NALCN: variants seen among roughly 807,000 people sequenced by gnomAD.
NALCN encodes the protein sodium leak channel, non-selective, also known as sodium leak channel NALCN.
A neutral mutation model predicts 225.3 loss-of-function variants in NALCN; 111 were observed. The observed-to-expected ratio is 0.49, with a 90% CI of 0.42 to 0.58. NALCN has a LOEUF of 0.58. Ranked by LOEUF, NALCN falls within the 20% of genes least tolerant of loss-of-function variation. The pLI, the probability that NALCN is intolerant of heterozygous loss-of-function variation, is 0.00. For missense variants in NALCN, 1,378 were observed against 2,202.4 expected (o/e 0.63, Z 7.49); for synonymous variants, 764 against 769.0 (o/e 0.99, Z 0.11).
chr13:101,363,031 A>G (rs1180751294), intron 6 of NALCN, among the ~76,000 whole-genome samples: 2 of 152,138 alleles, frequency 1.3e-5, no homozygotes, highest in African/African-American at 4.8e-5. Context: ...AATTGTGACT[A>G]AAGAAGTGAA....
intron 10 of NALCN, among the ~76,000 whole-genome samples, chr13:101,278,920 C>A (rs1297262460): frequency 6.6e-6 from 1 of 152,164 alleles, no homozygotes; most frequent in Non-Finnish European, 1.5e-5. Flanking sequence ...ACAAACAGAG[C>A]AGCTTCTAAG....
chr13:101,318,059 TCCCTTCATTAC>T (rs1426501939), intron 7 of NALCN, among the ~76,000 whole-genome samples: 1 of 152,208 alleles, frequency 6.6e-6, no homozygotes, highest in Non-Finnish European at 1.5e-5. Flanking sequence ...ATCTGCTCTA[TCCCTTCATTAC>T]CCCTTTTCCC....
chr13:101,156,492 G>GTATA (rs2037908093), intron 15 of NALCN, among the ~76,000 whole-genome samples: 1 of 151,944 alleles, frequency 6.6e-6, no homozygotes, highest in East Asian at 1.9e-4. Flanking sequence ...ATTTACCTAC[G>GTATA]TATGTATCTT....
chr13:101,234,832 TCTA>T (rs2041488071), intron 12 of NALCN, among the ~76,000 whole-genome samples: 1 of 135,176 alleles, frequency 7.4e-6, no homozygotes, highest in East Asian at 2.4e-4. Flanking sequence ...TATCTATCTA[TCTA>T]CTATCTATCT....
intron 17 of NALCN, among the ~76,000 whole-genome samples, chr13:101,136,390 T>G (rs1178124247): frequency 6.6e-6 from 1 of 152,184 alleles, no homozygotes; most frequent in Non-Finnish European, 1.5e-5. Context: ...GTGCCATGTT[T>G]GTGTGCTGCA....
At chr13:101,143,487 G>C (rs577833253) in intron 16 of NALCN, among the ~76,000 whole-genome samples, 56 of 148,860 alleles carry the variant, frequency 3.8e-4, no homozygotes, top group Middle Eastern at 3.4e-3. Context: ...TTTTTGAGAC[G>C]GAGTTTCACT....
At chr13:101,348,063 G>A (rs1335836014) in intron 6 of NALCN, among the ~76,000 whole-genome samples, 2 of 152,112 alleles carry the variant, frequency 1.3e-5, no homozygotes, top group African/African-American at 2.4e-5. Context: ...AGAGAGGGAA[G>A]GGTCTACTAG....
intron 9 of NALCN, among the ~76,000 whole-genome samples, chr13:101,285,424 C>A (rs954549494): frequency 6.6e-6 from 1 of 151,768 alleles, no homozygotes; most frequent in Non-Finnish European, 1.5e-5. Context: ...CTCAGCCTCC[C>A]GAGTAGCTGG....
rs186807790 is a variant in NALCN, at chr13:101,246,244, A to G, written c.1267-8322T>C. Among the ~76,000 whole-genome samples, 246 of 152,280 alleles carry G rather than the reference A, an allele frequency of 1.6e-3. 1 individual carries two copies. Among genetic ancestry groups the G allele is most frequent in the African/African-American group, 5.7e-3 (236 of 41,558 alleles). On this transcript the variant is annotated intron_variant, in intron 11 of 43. Coordinates refer to ENST00000251127, the MANE Select transcript of NALCN (RefSeq NM_052867.4). ...ACAGGCCTATGAGATAAAATGGTAG[A>G]GATGGACATTGCCCATGAGTGGAAA...
intron 9 of NALCN, among the ~76,000 whole-genome samples, chr13:101,289,547 T>TATAC (rs60431167): frequency 2.1e-5 from 3 of 144,796 alleles, no homozygotes; most frequent in African/African-American, 7.7e-5. Flanking sequence ...TATATATATA[T>TATAC]ATACACATAT....
intron 7 of NALCN, among the ~76,000 whole-genome samples, chr13:101,311,257 T>G (rs1394178206): frequency 1.3e-5 from 2 of 151,566 alleles, no homozygotes; most frequent in Non-Finnish European, 2.9e-5. Context: ...AAGGAGATTT[T>G]GGGCTGAGAC....
At chr13:101,272,518 A>G (rs1466465765) in intron 10 of NALCN, among the ~76,000 whole-genome samples, 1 of 152,248 alleles carries the variant, frequency 6.6e-6, no homozygotes, top group African/African-American at 2.4e-5. Context: ...TAATCAAGGA[A>G]TCAGAGATCA....
chr13:101,149,575 C>A (rs1216626062), intron 15 of NALCN, among the ~76,000 whole-genome samples: 9 of 152,176 alleles, frequency 5.9e-5, no homozygotes, highest in Admixed American at 5.9e-4. Context: ...AATTAGAACT[C>A]AGCACAACTT....
intron 10 of NALCN, among the ~76,000 whole-genome samples, chr13:101,279,291 A>C (rs981074803): frequency 5.3e-5 from 8 of 152,186 alleles, no homozygotes; most frequent in African/African-American, 1.7e-4. Context: ...GGAAGAGGAA[A>C]CATTCTGTGA....
chr13:101,081,642 G>A lies in NALCN; in HGVS notation c.3770C>T (p.Thr1257Ile). 6.2e-7 allele frequency: 1 copy of A among 1,613,828 alleles called. No individual in the cohort carries two copies. The highest frequency in any genetic ancestry group is 1.1e-5 in the South Asian group (1 of 91,038). The change falls in exon 34 of 44, where the codon ACC (threonine) becomes ATC (isoleucine). Residue 1257 changes from threonine (T) to isoleucine (I), a missense_variant. Coordinates refer to ENST00000251127, the MANE Select transcript of NALCN (RefSeq NM_052867.4). ...AGGCGACATTGCTATGATCTTCATG[G>A]TAACCTGGAGAAAAAGCAAAGAAGA... ...VFTFIFVLEV[T>I]MKIIAMSPAG...
At position 101,138,801 on chromosome 13, in the gene NALCN, C is replaced by T. The variant is rs1050511477; in HGVS notation, c.2118+4279G>A. On this transcript the variant is annotated intron_variant, in intron 17 of 43. Coordinates refer to ENST00000251127, the MANE Select transcript of NALCN (RefSeq NM_052867.4). ...AGTTCAGATCTCACTTTATTAATCA[C>T]CACTCTGCTTAAGGAAACTAGAGTT... Among the ~76,000 whole-genome samples, 4 of 152,246 alleles carry T rather than the reference C, an allele frequency of 2.6e-5. No individual in the cohort carries two copies. In the South Asian group the frequency reaches 6.2e-4, roughly 24 times the overall value.
intron 6 of NALCN, among the ~76,000 whole-genome samples, chr13:101,372,774 A>C (rs2046576951): frequency 6.6e-6 from 1 of 152,106 alleles, no homozygotes; most frequent in Admixed American, 6.6e-5. Context: ...ATATACCTTC[A>C]TTTTATGAAA....
intron 13 of NALCN, among the ~76,000 whole-genome samples, chr13:101,228,716 A>G (rs1457080538): frequency 1.3e-5 from 2 of 152,354 alleles, no homozygotes; most frequent in Non-Finnish European, 2.9e-5. Context: ...TCAGTGTAAG[A>G]ATGGACTAAT....
intron 7 of NALCN, among the ~76,000 whole-genome samples, chr13:101,337,198 T>C (rs1291436950): frequency 1.3e-5 from 2 of 152,182 alleles, no homozygotes; most frequent in Non-Finnish European, 2.9e-5. Context: ...TACAAGGGAC[T>C]AGACTTAAAG....
Sources: allele counts gnomAD v4.1 joint callset (sites outside exome capture counted in the v4.1 genomes callset), GRCh38; gene constraint gnomAD v4.1.1; transcripts MANE v1.5; gene names NCBI Gene and HGNC (gene_info 2026-07-23, HGNC 2026-07-21).